The following ARID1B variants were observed in gnomAD, a reference collection of about 807,000 sequenced individuals.
ARID1B encodes AT-rich interactive domain-containing protein 1B.
Under a neutral mutation model 212.3 loss-of-function variants are expected in ARID1B, and 30 were observed. That is an observed-to-expected ratio of 0.14 (90% confidence interval 0.11 to 0.19). The LOEUF is 0.19. Among genes scored for constraint, ARID1B ranks in the 10% least tolerant of loss-of-function variants. The pLI is 1.00. For missense variants in ARID1B, 2,891 were observed against 3,204.0 expected (o/e 0.90, Z 2.36); for synonymous variants, 1,402 against 1,301.7 (o/e 1.08, Z -1.66).
At chr6:156,825,700 TA>T (rs1461379968) in intron 1 of ARID1B, among the ~76,000 whole-genome samples, 2 of 152,246 alleles carry the variant, frequency 1.3e-5, no homozygotes, top group Non-Finnish European at 2.9e-5. Context: ...CTGGGCTGTC[TA>T]GATTGAATGT....
intron 4 of ARID1B, among the ~76,000 whole-genome samples, chr6:156,963,315 T>G (rs1404980082): frequency 6.6e-6 from 1 of 152,234 alleles, no homozygotes. Context: ...ATCACATAGT[T>G]AATATTTTCA....
rs75071058 is a variant in ARID1B at position 157,076,127 on chromosome 6, A to C, written c.2248-8535A>C. On this transcript the variant is annotated intron_variant, in intron 4 of 19. Transcript: ENST00000636930. ...AGTCTGAAGTCATTTCAAAATTGAA[A>C]GTTAAAAAGTTCAGTGAAGGATGAA... Among the ~76,000 whole-genome samples the C allele has an allele frequency of 4.1e-4, 63 of 152,362 alleles. No homozygotes were observed. In the East Asian group the frequency reaches 0.01, roughly 24 times the overall value.
chr6:157,019,806 G>A lies in ARID1B; in HGVS notation c.2248-64856G>A, dbSNP rs569072428. Among the ~76,000 whole-genome samples, 14 of 152,212 alleles carry A rather than the reference G, an allele frequency of 9.2e-5. No individual in the cohort carries two copies. The South Asian group carries it at 2.5e-3, about 27-fold the overall frequency. ...ATGACCTGTATTTCCTGCTGCCAGC[G>A]GGTCACCTCCGCGGATATACCACAA... On this transcript the variant is annotated intron_variant, in intron 4 of 19. Coordinates refer to ENST00000636930, the MANE Select transcript of ARID1B (RefSeq NM_001374828.1).
At position 157,206,651 on chromosome 6, in the gene ARID1B, A is replaced by G. The variant is rs1238412857; in HGVS notation, c.5879A>G (p.Lys1960Arg). The G allele has an allele frequency of 1.2e-6, 2 of 1,613,738 alleles. No homozygotes were observed. The highest frequency in any genetic ancestry group is 1.3e-5 in the African/African-American group (1 of 74,876). The change falls in exon 20 of 20, where the codon AAG becomes AGG. Residue 1960 changes from lysine to arginine, a missense_variant. By Grantham distance (26) the Lys-to-Arg change is conservative (BLOSUM62 2). Coordinates refer to ENST00000636930, the MANE Select transcript of ARID1B (RefSeq NM_001374828.1). This position sits in a 1 kb window ranked among gnomAD's most constrained non-coding sequence, Gnocchi z 6.8. ...TEHIQTHFESKMEIPPRRRPP... is the reference protein window; with the variant it reads ...TEHIQTHFESRMEIPPRRRPP... ...CACATTCAGACTCACTTTGAGAGCA[A>G]GATGGAAATTCCTCCTCGCAGGCGC... is the stretch of plus-strand genomic sequence containing the variant.
At chr6:156,799,857 G>A (rs914802748) in intron 1 of ARID1B, among the ~76,000 whole-genome samples, 5 of 152,150 alleles carry the variant, frequency 3.3e-5, no homozygotes, top group African/African-American at 1.2e-4. Flanking sequence ...ATACCATTTG[G>A]TTAGAGAGAC....
At chr6:157,070,205 TTTG>T (rs1308336459) in intron 4 of ARID1B, among the ~76,000 whole-genome samples, 2 of 152,064 alleles carry the variant, frequency 1.3e-5, no homozygotes, top group Admixed American at 6.5e-5. Flanking sequence ...AATTGTTCAT[TTTG>T]TTTTTTTCTT....
chr6:156,861,329 G>A (rs985983489), intron 2 of ARID1B, among the ~76,000 whole-genome samples: 2 of 152,236 alleles, frequency 1.3e-5, no homozygotes, highest in Non-Finnish European at 2.9e-5. Flanking sequence ...GGCCAGGCGT[G>A]GTGGTTCATG....
chr6:156,931,531 G>C (rs531820954), intron 3 of ARID1B, among the ~76,000 whole-genome samples: 1 of 152,088 alleles, frequency 6.6e-6, no homozygotes, highest in Non-Finnish European at 1.5e-5. Context: ...CAGCGTCTAC[G>C]ACATTTGTTA....
At chr6:157,016,417 A>G (rs4869906) in intron 4 of ARID1B, among the ~76,000 whole-genome samples, 76,782 of 152,008 alleles carry the variant, frequency 0.51, 19,593 homozygotes, top group East Asian at 0.66. Context: ...GATACACATC[A>G]GATTTTGAAG....
intron 4 of ARID1B, among the ~76,000 whole-genome samples, chr6:156,952,089 A>G (rs981964134): frequency 2.0e-5 from 3 of 152,206 alleles, no homozygotes; most frequent in Non-Finnish European, 4.4e-5. Context: ...CAGGGTGGAA[A>G]CCCATTTAGT....
At chr6:156,854,126 G>A (rs937535933) in intron 2 of ARID1B, among the ~76,000 whole-genome samples, 8 of 152,128 alleles carry the variant, frequency 5.3e-5, no homozygotes, top group African/African-American at 1.7e-4. Flanking sequence ...TGGTGAGAAC[G>A]TTATGAATGT....
intron 4 of ARID1B, among the ~76,000 whole-genome samples, chr6:157,029,460 C>G (rs940904643): frequency 6.6e-6 from 1 of 152,232 alleles, no homozygotes; most frequent in Non-Finnish European, 1.5e-5. Flanking sequence ...GTGTCTGGCA[C>G]TCTTCCAGGT....
At chr6:156,810,657 A>T (rs1394277254) in intron 1 of ARID1B, among the ~76,000 whole-genome samples, 1 of 152,170 alleles carries the variant, frequency 6.6e-6, no homozygotes, top group East Asian at 1.9e-4. Flanking sequence ...CAAACTTGAT[A>T]TAGAAGGTGA....
chr6:157,041,286 A>G (rs1015320709), intron 4 of ARID1B, among the ~76,000 whole-genome samples: 9 of 152,256 alleles, frequency 5.9e-5, no homozygotes, highest in Non-Finnish European at 1.0e-4. Context: ...TAAATCAGCT[A>G]AACATTTATA....
At chr6:156,971,558 T>C (rs1270169691) in intron 4 of ARID1B, among the ~76,000 whole-genome samples, 1 of 152,214 alleles carries the variant, frequency 6.6e-6, no homozygotes. Context: ...CATCTGTGTA[T>C]TATTTCATAG....
chr6:157,113,813 C>G (rs780707433), intron 6 of ARID1B, among the ~76,000 whole-genome samples: 2 of 152,174 alleles, frequency 1.3e-5, no homozygotes, highest in East Asian at 1.9e-4. Flanking sequence ...ATGACTGTTA[C>G]GTTAGAAGAT....
At chr6:157,072,946 G>A (rs1784079447) in intron 4 of ARID1B, among the ~76,000 whole-genome samples, 1 of 152,108 alleles carries the variant, frequency 6.6e-6, no homozygotes, top group Admixed American at 6.5e-5. Flanking sequence ...GCTGTCTTTG[G>A]TGTGTAGTGT....
intron 1 of ARID1B, among the ~76,000 whole-genome samples, chr6:156,817,037 C>G (rs1292387590): frequency 6.7e-6 from 1 of 150,226 alleles, no homozygotes; most frequent in African/African-American, 2.5e-5. Context: ...AGAATTATCG[C>G]ACGTTAGAAC....
intron 2 of ARID1B, chr6:156,829,629 T>C: frequency 1.8e-6 from 1 of 554,828 alleles, no homozygotes; most frequent in South Asian, 2.8e-5. Flanking sequence ...AGAATACCTG[T>C]TTGGTAGAAG....
Sources: allele counts gnomAD v4.1 joint callset (sites outside exome capture counted in the v4.1 genomes callset), GRCh38; gene constraint gnomAD v4.1.1; non-coding constraint Gnocchi (gnomAD v3.1); transcripts MANE v1.5; gene names NCBI Gene and HGNC (gene_info 2026-07-23, HGNC 2026-07-21).